The following SMIM31 variants were observed in gnomAD, a reference collection of about 807,000 sequenced individuals.
The protein encoded by SMIM31 is human epithelial cell program regulator.
In SMIM31 at chr4:164,802,629, C is replaced by A. The variant is rs1472478689; in HGVS notation, c.*1435C>A. The stretch of plus-strand genomic sequence containing the variant: ...GGAATCCACAATACAACCAAAGATA[C>A]CTACCTGCATCTCATAAGAATCATA... On this transcript the variant is annotated 3_prime_UTR_variant, in exon 3 of 3. Coordinates refer to ENST00000507311, the MANE Select transcript of SMIM31 (RefSeq NM_001352885.1). The A allele has an allele frequency of 1.3e-5, 2 of 152,220 alleles. No individual in the cohort carries two copies. The highest frequency in any genetic ancestry group is 2.1e-4 in the South Asian group (1 of 4,828). 9.4% of individuals were successfully genotyped at this position (152,220 alleles called of 1,614,324 possible). A position where few individuals can be genotyped will look rare whatever the true frequency, so the allele number is the denominator to read the frequency against.
At chr4:164,754,455 C>CTTT (rs1410130355) in intron 1 of SMIM31, 44 bp downstream of exon 1, 3 of 97,590 alleles carry the variant, frequency 3.1e-5, no homozygotes, top group Non-Finnish European at 7.2e-5. Flanking sequence ...TCAAAACTCT[C>CTTT]TCTCTTTTTT....
At position 164,792,419 on chromosome 4, in the gene SMIM31, T is replaced by C. The variant is rs576405023; in HGVS notation, c.113-8672T>C. Among the ~76,000 whole-genome samples, 4 of 152,322 alleles carry C rather than the reference T, an allele frequency of 2.6e-5. No individual in the cohort carries two copies. In the East Asian group the frequency reaches 7.7e-4, roughly 29 times the overall value. On this transcript the variant is annotated intron_variant, in intron 2 of 2. Transcript: ENST00000507311. ...TTTGTCTTGATGTAAATTTTGCCAA[T>C]AAATCATTAGCAATAATTTTTTTTC...
At chr4:164,771,848 C>A (rs760762823) in intron 2 of SMIM31, among the ~76,000 whole-genome samples, 1 of 152,056 alleles carries the variant, frequency 6.6e-6, no homozygotes, top group Middle Eastern at 3.4e-3. Context: ...ATCCACTCAA[C>A]CTGGAAAAAT....
At chr4:164,783,061 T>C (rs6840424) in intron 2 of SMIM31, among the ~76,000 whole-genome samples, 6 of 149,114 alleles carry the variant, frequency 4.0e-5, no homozygotes, top group African/African-American at 1.2e-4. Context: ...CTACTAAAAA[T>C]ACAAAAATTA....
intron 1 of SMIM31, among the ~76,000 whole-genome samples, chr4:164,761,330 A>G (rs1333999101): frequency 2.0e-5 from 3 of 152,180 alleles, no homozygotes; most frequent in Non-Finnish European, 4.4e-5. Flanking sequence ...TTCTTTACAT[A>G]ATCATCTTAA....
chr4:164,779,275 G>A (rs1219486737), intron 2 of SMIM31, among the ~76,000 whole-genome samples: 1 of 152,148 alleles, frequency 6.6e-6, no homozygotes, highest in Non-Finnish European at 1.5e-5. Flanking sequence ...AAACTATTGG[G>A]CATGCTGAGC....
At chr4:164,754,994 A>G (rs1732538492) in intron 1 of SMIM31, among the ~76,000 whole-genome samples, 1 of 150,098 alleles carries the variant, frequency 6.7e-6, no homozygotes, top group Non-Finnish European at 1.5e-5. Context: ...ACTCAGGAGG[A>G]AATACTGTCA....
At chr4:164,783,839 TG>T (rs201034329) in intron 2 of SMIM31, among the ~76,000 whole-genome samples, 7,323 of 152,320 alleles carry the variant, frequency 0.048, 242 homozygotes, top group Non-Finnish European at 0.073. Context: ...ATTAATTTTT[TG>T]CCTGTACTGA....
At chr4:164,787,142 A>C (rs1560830531) in intron 2 of SMIM31, 1 of 152,222 alleles carries the variant, frequency 6.6e-6, no homozygotes, top group African/African-American at 2.4e-5. Flanking sequence ...GTTTTTATTA[A>C]ATAATTCTTA....
In SMIM31 at chr4:164,793,305, T is replaced by C. The variant is rs139367913; in HGVS notation, c.113-7786T>C. On this transcript the variant is annotated intron_variant, in intron 2 of 2. Coordinates refer to ENST00000507311, the MANE Select transcript of SMIM31 (RefSeq NM_001352885.1). ...GAATCATTTGTATTCCAAACCTCGGTATCCCACAATAACTCAGGTAACAAA... is the reference window on the plus strand; with the variant it reads ...GAATCATTTGTATTCCAAACCTCGGCATCCCACAATAACTCAGGTAACAAA... 1.9e-3 allele frequency among the ~76,000 whole-genome samples: 291 copies of C among 152,270 alleles called. 2 individuals carry two copies. The highest frequency in any genetic ancestry group is 6.8e-3 in the African/African-American group (284 of 41,558).
intron 1 of SMIM31, among the ~76,000 whole-genome samples, chr4:164,760,754 A>T (rs1309462573): frequency 6.6e-6 from 1 of 151,574 alleles, no homozygotes; most frequent in African/African-American, 2.4e-5. Flanking sequence ...AAAAAAAAAA[A>T]AAAAAAAGAT....
At chr4:164,791,944 T>C (rs1289800227) in intron 2 of SMIM31, among the ~76,000 whole-genome samples, 3 of 152,196 alleles carry the variant, frequency 2.0e-5, no homozygotes, top group Non-Finnish European at 4.4e-5. Flanking sequence ...GGTGAGAACA[T>C]GTGGTATCTG....
At chr4:164,761,294 G>A (rs183482415) in intron 1 of SMIM31, among the ~76,000 whole-genome samples, 12 of 152,154 alleles carry the variant, frequency 7.9e-5, no homozygotes, top group Non-Finnish European at 2.9e-5. Flanking sequence ...GAAACAAATA[G>A]AACAATTTTC....
chr4:164,797,313 A>T (rs1021507449), intron 2 of SMIM31, among the ~76,000 whole-genome samples: 1 of 152,142 alleles, frequency 6.6e-6, no homozygotes, highest in South Asian at 2.1e-4. Context: ...TGTCTGCAAG[A>T]AGGTAAACTT....
intron 2 of SMIM31, among the ~76,000 whole-genome samples, chr4:164,798,570 T>C (rs1178567184): frequency 6.6e-6 from 1 of 152,166 alleles, no homozygotes; most frequent in Non-Finnish European, 1.5e-5. Flanking sequence ...GGAGACTTAC[T>C]ATGAGAAATT....
chr4:164,754,175 G>A lies in SMIM31; in HGVS notation c.-262G>A, dbSNP rs1313694149. ...ACAAGGGAAGATTTTCTTTTTTAGAGGTACAGATTCCTCTTAGTCAAGTCC... is the reference window on the plus strand; with the variant it reads ...ACAAGGGAAGATTTTCTTTTTTAGAAGTACAGATTCCTCTTAGTCAAGTCC... On this transcript the variant is annotated 5_prime_UTR_variant, in exon 1 of 3. Transcript: ENST00000507311. 2.0e-5 allele frequency: 3 copies of A among 152,238 alleles called. No individual in the cohort carries two copies. The highest frequency in any genetic ancestry group is 7.2e-5 in the African/African-American group (3 of 41,544). The allele number at this position is 152,238 out of a possible 1,614,324, so 9.4% of individuals were successfully genotyped here.
chr4:164,783,038 T>C (rs1185504646), intron 2 of SMIM31, among the ~76,000 whole-genome samples: 4 of 150,292 alleles, frequency 2.7e-5, no homozygotes, highest in Non-Finnish European at 4.4e-5. Context: ...GCCGACACAG[T>C]GAAACCCCAT....
chr4:164,755,799 A>T (rs1732553887), intron 1 of SMIM31, among the ~76,000 whole-genome samples: 1 of 152,104 alleles, frequency 6.6e-6, no homozygotes, highest in Admixed American at 6.5e-5. Context: ...AATTTAAAAA[A>T]TTCTTTGGAA....
At chr4:164,788,478 C>CTTTTTTTTTTATTTTTT (rs1733056421) in intron 2 of SMIM31, among the ~76,000 whole-genome samples, 1 of 58,162 alleles carries the variant, frequency 1.7e-5, no homozygotes, top group Non-Finnish European at 3.2e-5. Context: ...TCTAATTTTT[C>CTTTTTTTTTTATTTTTT]TTTTTTTTTT....
Sources: gnomAD v4.1 joint callset for allele counts (sites outside exome capture counted in the v4.1 genomes callset) on GRCh38, gnomAD v4.1.1 for gene constraint, MANE v1.5 for transcripts, NCBI Gene and HGNC (gene_info 2026-07-23, HGNC 2026-07-21) for gene names.